CCBE1: variants seen among roughly 807,000 people sequenced by gnomAD.
CCBE1 encodes collagen and calcium-binding EGF domain-containing protein 1.
Under a neutral mutation model 50.0 loss-of-function variants are expected in CCBE1, and 37 were observed. That is an observed-to-expected ratio of 0.74 (90% confidence interval 0.57 to 0.97). CCBE1 has a LOEUF of 0.97. CCBE1 is among the 50% of genes least tolerant of loss of function. CCBE1 has a pLI of 0.00. For synonymous variants in CCBE1, 234 were observed against 203.7 expected (o/e 1.15, Z -1.27); for missense variants, 538 against 523.8 (o/e 1.03, Z -0.26).
chr18:59,537,704 G>T (rs1185284174), intron 2 of CCBE1, among the ~76,000 whole-genome samples: 1 of 152,180 alleles, frequency 6.6e-6, no homozygotes, highest in African/African-American at 2.4e-5. Flanking sequence ...AGTATATAAA[G>T]TGTACAGCCT....
chr18:59,652,061 TATC>T (rs2054134504), intron 2 of CCBE1, among the ~76,000 whole-genome samples: 1 of 152,226 alleles, frequency 6.6e-6, no homozygotes, highest in African/African-American at 2.4e-5. Context: ...TTTTCCACTC[TATC>T]ATCTGTTCAA....
At chr18:59,445,461 G>A (rs1436229190) in intron 7 of CCBE1, among the ~76,000 whole-genome samples, 1 of 152,296 alleles carries the variant, frequency 6.6e-6, no homozygotes, top group Non-Finnish European at 1.5e-5. Flanking sequence ...AATGCACATA[G>A]TAATTGCTTT....
At chr18:59,621,656 C>T (rs2053711914) in intron 2 of CCBE1, among the ~76,000 whole-genome samples, 1 of 152,312 alleles carries the variant, frequency 6.6e-6, no homozygotes, top group African/African-American at 2.4e-5. Flanking sequence ...TGTCACTAAC[C>T]TACCAGAGTC....
At chr18:59,576,022 TA>T (rs2052989947) in intron 2 of CCBE1, among the ~76,000 whole-genome samples, 1 of 152,256 alleles carries the variant, frequency 6.6e-6, no homozygotes, top group Non-Finnish European at 1.5e-5. Context: ...GAAAAGTTAC[TA>T]ATCTTTTTGC....
chr18:59,683,081 C>A (rs1359322810), intron 2 of CCBE1, among the ~76,000 whole-genome samples: 1 of 152,168 alleles, frequency 6.6e-6, no homozygotes, highest in Admixed American at 6.5e-5. Context: ...TTTTCATATA[C>A]TTTCCTAGAA....
intron 2 of CCBE1, among the ~76,000 whole-genome samples, chr18:59,657,694 C>T (rs929888012): frequency 6.6e-6 from 1 of 152,258 alleles, no homozygotes; most frequent in South Asian, 2.1e-4. Context: ...AGTTCGAGAC[C>T]AGACTGGCCA....
intron 2 of CCBE1, among the ~76,000 whole-genome samples, chr18:59,515,936 T>C (rs937289945): frequency 2.0e-5 from 3 of 152,134 alleles, no homozygotes; most frequent in Non-Finnish European, 2.9e-5. Flanking sequence ...TTGCCCTATT[T>C]TGATGCTCAA....
At position 59,435,374 on chromosome 18, in the gene CCBE1, A is replaced by G. The variant is rs1910104961; in HGVS notation, c.*534T>C. On this transcript the variant is annotated 3_prime_UTR_variant, in exon 11 of 11. Coordinates refer to ENST00000439986, the MANE Select transcript of CCBE1 (RefSeq NM_133459.4). ...CAAAGGGATACAATATTTAAAGTCT[A>G]CTAGAAGCACAAGGAAAAAATTCTC... 2 of 164,284 alleles carry G rather than the reference A, an allele frequency of 1.2e-5. No individual in the cohort carries two copies. Among genetic ancestry groups the G allele is most frequent in the Admixed American group, 1.1e-4 (2 of 17,486 alleles). The allele number at this position is 164,284 out of a possible 1,614,324, so 10.2% of individuals were successfully genotyped here. A position where few individuals can be genotyped will look rare whatever the true frequency, so the allele number is the denominator to read the frequency against.
At chr18:59,548,231 G>A (rs562933592) in intron 2 of CCBE1, among the ~76,000 whole-genome samples, 31 of 152,296 alleles carry the variant, frequency 2.0e-4, no homozygotes, top group African/African-American at 6.7e-4. Flanking sequence ...TCACTCAGTG[G>A]TCTTTCCTTT....
intron 2 of CCBE1, among the ~76,000 whole-genome samples, chr18:59,589,862 G>A (rs2053236629): frequency 6.6e-6 from 1 of 150,650 alleles, no homozygotes; most frequent in Non-Finnish European, 1.5e-5. Context: ...TGTACTTCAG[G>A]AGTGTATATT....
rs1012604389 is a variant in CCBE1 at position 59,691,949 on chromosome 18, G to C, written c.212+4680C>G. ...GAAAGTGGTGTAACTTCAAGTTCTA[G>C]TTCAGGCTATGCCTTCCACTGGCTC... On this transcript the variant is annotated intron_variant, in intron 2 of 10. Transcript: ENST00000439986. Among the ~76,000 whole-genome samples the C allele has an allele frequency of 9.8e-5, 15 of 152,312 alleles. No homozygotes were observed. In the South Asian group the frequency reaches 2.7e-3, roughly 27 times the overall value.
intron 2 of CCBE1, among the ~76,000 whole-genome samples, chr18:59,662,358 G>C (rs73961287): frequency 5.9e-4 from 90 of 152,268 alleles, no homozygotes; most frequent in African/African-American, 2.1e-3. Context: ...ACATATTTCA[G>C]CAAGTACATC....
chr18:59,444,696 G>T (rs1910595938), intron 7 of CCBE1, among the ~76,000 whole-genome samples: 1 of 151,700 alleles, frequency 6.6e-6, no homozygotes, highest in Non-Finnish European at 1.5e-5. Flanking sequence ...TACAGACAGG[G>T]TCTCCCTATG....
chr18:59,623,218 A>C (rs1402485610), intron 2 of CCBE1, among the ~76,000 whole-genome samples: 1 of 152,166 alleles, frequency 6.6e-6, no homozygotes, highest in African/African-American at 2.4e-5. Context: ...AAAATGTAGG[A>C]ATTAAGGATG....
chr18:59,543,853 A>G (rs1050312480), intron 2 of CCBE1, among the ~76,000 whole-genome samples: 2 of 150,044 alleles, frequency 1.3e-5, no homozygotes, highest in African/African-American at 4.9e-5. Flanking sequence ...AAAAAAAAAA[A>G]AAAAACAGAA....
chr18:59,659,350 CTG>C (rs923037639), intron 2 of CCBE1, among the ~76,000 whole-genome samples: 15 of 151,476 alleles, frequency 9.9e-5, no homozygotes, highest in African/African-American at 3.4e-4. Context: ...AATACAGACA[CTG>C]TGACATCCAA....
chr18:59,500,553 A>T (rs1003395950), intron 2 of CCBE1, among the ~76,000 whole-genome samples: 2 of 152,156 alleles, frequency 1.3e-5, no homozygotes, highest in African/African-American at 4.8e-5. Context: ...AGAACTGTCA[A>T]TGACACCCTC....
At chr18:59,500,886 T>G (rs914992104) in intron 2 of CCBE1, among the ~76,000 whole-genome samples, 1 of 152,212 alleles carries the variant, frequency 6.6e-6, no homozygotes, top group African/African-American at 2.4e-5. Context: ...GTTTTGCTAC[T>G]GATGGTCCCC....
In CCBE1 at chr18:59,570,357, A is replaced by G. The variant is rs1435774750; in HGVS notation, c.213-90119T>C. ...TGAGGTCAAGCAGGGCCACCCTCAGACCATCTGCTCTGTGGGGAGGGGCTT... is the reference window on the plus strand; with the variant it reads ...TGAGGTCAAGCAGGGCCACCCTCAGGCCATCTGCTCTGTGGGGAGGGGCTT... On this transcript the variant is annotated intron_variant, in intron 2 of 10. Coordinates refer to ENST00000439986, the MANE Select transcript of CCBE1 (RefSeq NM_133459.4). 2.6e-5 allele frequency among the ~76,000 whole-genome samples: 4 copies of G among 152,296 alleles called. No individual in the cohort carries two copies. The East Asian group carries it at 7.7e-4, about 29-fold the overall frequency.
Sources: gnomAD v4.1 joint callset for allele counts (sites outside exome capture counted in the v4.1 genomes callset) on GRCh38, gnomAD v4.1.1 for gene constraint, MANE v1.5 for transcripts, NCBI Gene and HGNC (gene_info 2026-07-23, HGNC 2026-07-21) for gene names.